The following AK5 variants were observed in gnomAD, a reference collection of about 807,000 sequenced individuals.
AK5 encodes the protein adenylate kinase 5.
Under a neutral mutation model 69.5 loss-of-function variants are expected in AK5, and 27 were observed. The ratio of observed to expected loss-of-function variants is 0.39; its 90% CI spans 0.29 to 0.54. AK5 has a LOEUF of 0.54. AK5 is among the 20% of genes least tolerant of loss of function. The probability of loss-of-function intolerance (pLI) is 0.71; values close to 1 mark genes in which losing one functional copy is unlikely to be tolerated. For missense variants in AK5, 531 were observed against 700.4 expected, an observed-to-expected ratio of 0.76 and a Z score of 2.73; for synonymous variants, 260 against 244.4, an observed-to-expected ratio of 1.06 and a Z score of -0.60.
intron 6 of AK5, among the ~76,000 whole-genome samples, chr1:77,384,539 G>A (rs968594025): frequency 6.6e-6 from 1 of 152,098 alleles, no homozygotes; most frequent in African/African-American, 2.4e-5. Flanking sequence ...TACATAAGTC[G>A]ATCAGATCAG....
intron 8 of AK5, among the ~76,000 whole-genome samples, chr1:77,439,372 AT>A (rs1652164046): frequency 6.6e-6 from 1 of 152,160 alleles, no homozygotes; most frequent in Admixed American, 6.5e-5. Flanking sequence ...TAATTAGGAT[AT>A]CTATCACCTC....
intron 6 of AK5, among the ~76,000 whole-genome samples, chr1:77,341,234 G>A (rs1475832154): frequency 1.3e-5 from 2 of 152,198 alleles, no homozygotes; most frequent in African/African-American, 4.8e-5. Context: ...TAGAACATTA[G>A]AGGTGAAGGT....
chr1:77,538,977 G>A (rs1310703863), intron 13 of AK5, among the ~76,000 whole-genome samples: 1 of 152,180 alleles, frequency 6.6e-6, no homozygotes. Flanking sequence ...CAGACCTCAG[G>A]ACCAGAAAAA....
intron 6 of AK5, among the ~76,000 whole-genome samples, chr1:77,395,403 G>A (rs1648762943): frequency 6.6e-6 from 1 of 152,108 alleles, no homozygotes. Context: ...TGTACCAAGT[G>A]GAATATTGTC....
rs1553155235 is a variant in AK5, at chr1:77,476,907, T to TAAAAA, written c.1060-6402_1060-6398dup. 5.4e-5 allele frequency among the ~76,000 whole-genome samples: 8 copies of TAAAAA among 148,060 alleles called. No individual in the cohort carries two copies. The East Asian group carries it at 9.9e-4, about 18-fold the overall frequency. On this transcript the variant is annotated intron_variant, in intron 8 of 13. Transcript: ENST00000354567. ...TGTGTGAGGTGTTTTGCTGTTTTTT[T>TAAAAA]AAAAAAAAAAAACAGGTATAAGGAA...
chr1:77,311,863 G>T (rs1430026348), intron 5 of AK5, among the ~76,000 whole-genome samples: 1 of 152,092 alleles, frequency 6.6e-6, no homozygotes, highest in East Asian at 1.9e-4. Context: ...TTTGAAGAAG[G>T]TTTTCAACTG....
intron 10 of AK5, among the ~76,000 whole-genome samples, chr1:77,505,987 C>T (rs1369907067): frequency 6.6e-6 from 1 of 152,062 alleles, no homozygotes; most frequent in Non-Finnish European, 1.5e-5. Flanking sequence ...AGACCTAGTA[C>T]AAAGTAGGCT....
At chr1:77,504,480 A>G (rs1306612850) in intron 10 of AK5, among the ~76,000 whole-genome samples, 1 of 152,020 alleles carries the variant, frequency 6.6e-6, no homozygotes, top group Non-Finnish European at 1.5e-5. Context: ...ATGAGATCAT[A>G]TAATTTAAAA....
At chr1:77,407,480 A>G (rs1218445765) in intron 6 of AK5, among the ~76,000 whole-genome samples, 1 of 152,158 alleles carries the variant, frequency 6.6e-6, no homozygotes, top group Non-Finnish European at 1.5e-5. Context: ...AAGCAGATAA[A>G]TGGTTACCTG....
Position 77,319,447 on chromosome 1 carries a change from T to C in AK5, c.700-20930T>C, listed in dbSNP as rs189050994. Among the ~76,000 whole-genome samples the C allele has an allele frequency of 7.2e-5, 11 of 152,344 alleles. No homozygotes were observed. The East Asian group carries it at 2.1e-3, about 29-fold the overall frequency. ...CTGAAACTCTTTTATCTACTTTTTG[T>C]ATTTCTCATGGCTCTGCAAGGCACT... is the stretch of plus-strand genomic sequence containing the variant. On this transcript the variant is annotated intron_variant, in intron 5 of 13. Transcript: ENST00000354567.
chr1:77,401,229 T>A (rs1403502093), intron 6 of AK5, among the ~76,000 whole-genome samples: 1 of 152,208 alleles, frequency 6.6e-6, no homozygotes, highest in East Asian at 1.9e-4. Context: ...AATCTTCAAT[T>A]TTTAGTTGAA....
At chr1:77,375,619 C>G (rs1647211619) in intron 6 of AK5, among the ~76,000 whole-genome samples, 1 of 152,166 alleles carries the variant, frequency 6.6e-6, no homozygotes, top group Admixed American at 6.5e-5. Flanking sequence ...TGCAAGTCTT[C>G]CTAGGTCCCT....
At chr1:77,448,311 C>G (rs1652883599) in intron 8 of AK5, among the ~76,000 whole-genome samples, 1 of 152,186 alleles carries the variant, frequency 6.6e-6, no homozygotes, top group African/African-American at 2.4e-5. Context: ...CCTTCTTCCC[C>G]TCCAAAGCCC....
intron 7 of AK5, 81 bp downstream of exon 7, chr1:77,411,152 T>G (rs1650019166): frequency 8.6e-7 from 1 of 1,156,204 alleles, no homozygotes; most frequent in African/African-American, 1.5e-5. Context: ...TGGTTGAAGT[T>G]CAACAAACTG....
intron 10 of AK5, among the ~76,000 whole-genome samples, chr1:77,488,219 G>A (rs1426134220): frequency 2.0e-5 from 3 of 152,084 alleles, no homozygotes; most frequent in Admixed American, 1.3e-4. Context: ...AAACTGGATG[G>A]ACTCTTCCCA....
chr1:77,376,328 C>G (rs772722987), intron 6 of AK5, among the ~76,000 whole-genome samples: 1 of 148,556 alleles, frequency 6.7e-6, no homozygotes, highest in Non-Finnish European at 1.5e-5. Context: ...GAAGCAGACT[C>G]TGATGGTGTT....
At chr1:77,422,407 T>A (rs1650875857) in intron 8 of AK5, among the ~76,000 whole-genome samples, 1 of 152,216 alleles carries the variant, frequency 6.6e-6, no homozygotes, top group Non-Finnish European at 1.5e-5. Context: ...CTTAGAAGAT[T>A]CATAGAAACT....
intron 6 of AK5, among the ~76,000 whole-genome samples, chr1:77,405,002 G>A (rs552209596): frequency 6.6e-5 from 10 of 152,212 alleles, no homozygotes; most frequent in Non-Finnish European, 1.0e-4. Context: ...AAGTCTCAAC[G>A]TTTCTTATAT....
chr1:77,500,950 T>C (rs545852307), intron 10 of AK5, among the ~76,000 whole-genome samples: 1 of 152,268 alleles, frequency 6.6e-6, no homozygotes, highest in East Asian at 1.9e-4. Flanking sequence ...TTATGAAAAC[T>C]TCAGAGCCCA....
Sources: gnomAD v4.1 joint callset for allele counts (sites outside exome capture counted in the v4.1 genomes callset) on GRCh38, gnomAD v4.1.1 for gene constraint, MANE v1.5 for transcripts, NCBI Gene and HGNC (gene_info 2026-07-23, HGNC 2026-07-21) for gene names.